Variants in NIPSNAP1 observed in about 807,000 individuals in gnomAD.
NIPSNAP1 encodes nipsnap homolog 1.
A neutral mutation model predicts 49.2 loss-of-function variants in NIPSNAP1; 25 were observed. The ratio of observed to expected loss-of-function variants is 0.51; its 90% CI spans 0.37 to 0.71. The LOEUF (loss-of-function observed/expected upper bound fraction) is 0.71. Ranked by LOEUF, NIPSNAP1 falls within the 30% of genes least tolerant of loss-of-function variation. NIPSNAP1 has a pLI of 0.00. For missense variants in NIPSNAP1, 294 were observed against 361.0 expected (o/e 0.81, Z 1.50); for synonymous variants, 143 against 140.7 (o/e 1.02, Z -0.12).
rs558677127 is a variant in NIPSNAP1 at position 29,556,114 on chromosome 22, C to G, written c.791-115G>C. 6 of 820,568 alleles carry G rather than the reference C, an allele frequency of 7.3e-6. No homozygotes were observed. The Admixed American group carries it at 1.0e-4, about 14-fold the overall frequency. The allele number at this position is 820,568 out of a possible 1,614,324, so 50.8% of individuals were successfully genotyped here. On this transcript the variant is annotated intron_variant, in intron 9 of 9. Transcript: ENST00000216121. ...GGGCAGGAGGAGGCCCCAGATGCTG[C>G]GACAGGAATGTCCCATTGCCCTCGT...
At chr22:29,566,160 C>CT (rs11369608) in intron 4 of NIPSNAP1, among the ~76,000 whole-genome samples, 117,135 of 149,020 alleles carry the variant, frequency 0.79, 46,483 homozygotes, top group African/African-American at 0.88. Flanking sequence ...ATCTTTTCTT[C>CT]TTTTTTTTTT....
chr22:29,556,402 T>C (rs1021261147), intron 9 of NIPSNAP1, among the ~76,000 whole-genome samples: 2 of 151,918 alleles, frequency 1.3e-5, no homozygotes, highest in Non-Finnish European at 2.9e-5. Context: ...CACATGCTTG[T>C]AATCCTAGCT....
intron 4 of NIPSNAP1, among the ~76,000 whole-genome samples, chr22:29,562,833 C>T (rs897591299): frequency 2.0e-5 from 3 of 152,172 alleles, no homozygotes; most frequent in Non-Finnish European, 4.4e-5. Flanking sequence ...GGCACGGTGG[C>T]TCACGCCTGT....
chr22:29,570,594 C>T, intron 1 of NIPSNAP1, 62 bp from the exon 2 acceptor site: 1 of 1,576,828 alleles, frequency 6.3e-7, no homozygotes. Flanking sequence ...CAATTCCATC[C>T]ACTTGGATGT....
chr22:29,579,096 G>A (rs1272071056), intron 1 of NIPSNAP1, among the ~76,000 whole-genome samples: 1 of 150,304 alleles, frequency 6.7e-6, no homozygotes, highest in Non-Finnish European at 1.5e-5. Flanking sequence ...TTTTGTAGAC[G>A]GAGTCTCGCT....
Position 29,560,871 on chromosome 22 carries a change from G to A in NIPSNAP1, c.612-43C>T, listed in dbSNP as rs143510793. On this transcript the variant is annotated intron_variant, in intron 7 of 9. Coordinates refer to ENST00000216121, the MANE Select transcript of NIPSNAP1 (RefSeq NM_003634.4). Reference sequence around the variant, plus strand: ...ATATGGGGCAGAAGCCAGGGCTGGTGCAGAGGGTACTGAGGCTGATTCCTT... The same window carrying A: ...ATATGGGGCAGAAGCCAGGGCTGGTACAGAGGGTACTGAGGCTGATTCCTT... 3,406 of 1,572,182 alleles carry A rather than the reference G, an allele frequency of 2.2e-3. 9 individuals are homozygous for A. The highest frequency in any genetic ancestry group is 2.8e-3 in the Non-Finnish European group (3,252 of 1,142,578).
chr22:29,560,644 A>T lies in NIPSNAP1; in HGVS notation c.706+90T>A, dbSNP rs192492302. ...GTCTCCTGCTAGAACATTAAGTTCT[A>T]TGAGGACACTAATACAACCCCATTG... On this transcript the variant is annotated intron_variant, in intron 8 of 9. Transcript: ENST00000216121. 13 of 981,016 alleles carry T rather than the reference A, an allele frequency of 1.3e-5. No homozygotes were observed. The African/African-American group carries it at 1.9e-4, about 14-fold the overall frequency. The allele number at this position is 981,016 out of a possible 1,614,324, so 60.8% of individuals were successfully genotyped here. A position where few individuals can be genotyped will look rare whatever the true frequency, so the allele number is the denominator to read the frequency against.
chr22:29,579,382 C>T (rs372372100), intron 1 of NIPSNAP1, among the ~76,000 whole-genome samples: 7 of 150,314 alleles, frequency 4.7e-5, no homozygotes, highest in African/African-American at 1.5e-4. Flanking sequence ...CTGCAAGCTC[C>T]GCCTCCTGGG....
At chr22:29,567,012 C>T (rs1019537928) in intron 4 of NIPSNAP1, among the ~76,000 whole-genome samples, 1 of 152,172 alleles carries the variant, frequency 6.6e-6, no homozygotes, top group Non-Finnish European at 1.5e-5. Context: ...ACCTCAGCTA[C>T]TCAGGAGGCT....
chr22:29,555,638 G>T lies in NIPSNAP1; in HGVS notation c.*297C>A. 1 of 395,176 alleles carries T rather than the reference G, an allele frequency of 2.5e-6. No homozygotes were observed. Among genetic ancestry groups the T allele is most frequent in the Non-Finnish European group, 4.8e-6 (1 of 207,466 alleles). 24.5% of individuals were successfully genotyped at this position (395,176 alleles called of 1,614,324 possible). ...GTGATAACTGGGGACTGGTGGCCTT[G>T]AGATGAGGAATTTTAGAAGATAAAT... On this transcript the variant is annotated 3_prime_UTR_variant, in exon 10 of 10. Coordinates refer to ENST00000216121, the MANE Select transcript of NIPSNAP1 (RefSeq NM_003634.4).
intron 9 of NIPSNAP1, 27 bp from the exon 10 acceptor site, chr22:29,556,026 A>T: frequency 6.5e-7 from 1 of 1,539,586 alleles, no homozygotes; most frequent in Non-Finnish European, 8.8e-7. Context: ...CAGAGGTCAC[A>T]CAGGGGGCTC....
In NIPSNAP1 at chr22:29,556,424, T is replaced by C. The variant is rs569708782; in HGVS notation, c.791-425A>G. On this transcript the variant is annotated intron_variant, in intron 9 of 9. Coordinates refer to ENST00000216121, the MANE Select transcript of NIPSNAP1 (RefSeq NM_003634.4). ...TTGTAATCCTAGCTACTCGGGAGGCTGAGGCAGGAGAATCGCTTGAACCCG... is the reference window on the plus strand; with the variant it reads ...TTGTAATCCTAGCTACTCGGGAGGCCGAGGCAGGAGAATCGCTTGAACCCG... 2.6e-5 allele frequency among the ~76,000 whole-genome samples: 4 copies of C among 151,970 alleles called. No homozygotes were observed. In the East Asian group the frequency reaches 5.9e-4, roughly 22 times the overall value.
chr22:29,576,295 C>T (rs991055669), intron 1 of NIPSNAP1, among the ~76,000 whole-genome samples: 1 of 151,108 alleles, frequency 6.6e-6, no homozygotes, highest in Admixed American at 6.6e-5. Flanking sequence ...GATGGGATTA[C>T]AGGCATGATC....
Position 29,570,656 on chromosome 22 carries a change from C to T in NIPSNAP1, c.99-124G>A, listed in dbSNP as rs543620587. ...ATTTCTGGGAACAGGGCCACGGAGT[C>T]CTGTGGCAGCTCCAGACTGTGAAAT... On this transcript the variant is annotated intron_variant, in intron 1 of 9. Transcript: ENST00000216121. 1.0e-5 allele frequency: 13 copies of T among 1,257,826 alleles called. No homozygotes were observed. The East Asian group carries it at 3.3e-4, about 32-fold the overall frequency. 77.9% of individuals were successfully genotyped at this position (1,257,826 alleles called of 1,614,324 possible). A position where few individuals can be genotyped will look rare whatever the true frequency, so the allele number is the denominator to read the frequency against.
At position 29,581,000 on chromosome 22, in the gene NIPSNAP1, G is replaced by A; in HGVS notation, c.83C>T (p.Ser28Phe). ...GPGPRAGDVA[S>F]AAAARFYSKD... ...GGGCTCTCACCGCGCCGCAGCTGCA[G>A]ACGCAACGTCCCCAGCGCGAGGCCC... The change falls in exon 1 of 10, where the codon TCT (serine) becomes TTT (phenylalanine). Residue 28 changes from serine (S) to phenylalanine (F), a missense_variant. By Grantham distance (155) the Ser-to-Phe change is radical (BLOSUM62 -2). Coordinates refer to ENST00000216121, the MANE Select transcript of NIPSNAP1 (RefSeq NM_003634.4). 6.5e-7 allele frequency: 1 copy of A among 1,532,688 alleles called. No individual in the cohort carries two copies. The highest frequency in any genetic ancestry group is 1.2e-5 in the South Asian group (1 of 83,586). 94.9% of individuals were successfully genotyped at this position (1,532,688 alleles called of 1,614,324 possible). A position where few individuals can be genotyped will look rare whatever the true frequency, so the allele number is the denominator to read the frequency against.
chr22:29,569,012 T>C (rs1328240659), intron 4 of NIPSNAP1, among the ~76,000 whole-genome samples, 181 bp downstream of exon 4: 1 of 151,882 alleles, frequency 6.6e-6, no homozygotes, highest in East Asian at 1.9e-4. Context: ...GCTTCACGGG[T>C]CACCTTGAGG....
intron 9 of NIPSNAP1, among the ~76,000 whole-genome samples, chr22:29,557,519 C>T (rs1407354759): frequency 6.6e-6 from 1 of 152,192 alleles, no homozygotes; most frequent in Non-Finnish European, 1.5e-5. Context: ...CCTCAAACTC[C>T]TGGGATCAAG....
chr22:29,560,780 G>A lies in NIPSNAP1; in HGVS notation c.660C>T (p.Gly220=), dbSNP rs1161486745. ...YRQENQEAVG[G]FFSQIGELYV... ...AGAGCTCTCCTATCTGTGAGAAGAA[G>A]CCGCCCACTGCCTCCTGGTTCTCCT... The change falls in exon 8 of 10, where the codon GGC becomes GGT. Residue 220 remains glycine, a synonymous_variant. Transcript: ENST00000216121. 6.2e-7 allele frequency: 1 copy of A among 1,614,102 alleles called. No individual in the cohort carries two copies. The highest frequency in any genetic ancestry group is 1.1e-5 in the South Asian group (1 of 91,086).
intron 4 of NIPSNAP1, among the ~76,000 whole-genome samples, chr22:29,563,085 C>G (rs866834226): frequency 1.4e-5 from 2 of 144,426 alleles, no homozygotes; most frequent in African/African-American, 5.1e-5. Flanking sequence ...GACAACAGAG[C>G]GAGACTCCAT....
Sources: gnomAD v4.1 joint callset for allele counts (sites outside exome capture counted in the v4.1 genomes callset) on GRCh38, gnomAD v4.1.1 for gene constraint, MANE v1.5 for transcripts, NCBI Gene and HGNC (gene_info 2026-07-23, HGNC 2026-07-21) for gene names.